The following TYK2 variants were observed in gnomAD, a reference collection of about 807,000 sequenced individuals.
TYK2 encodes the protein tyrosine kinase 2, also known as non-receptor tyrosine-protein kinase TYK2.
In TYK2, 65 loss-of-function variants were observed where a neutral mutation model predicts 130.9. The ratio of observed to expected loss-of-function variants is 0.50; its 90% CI spans 0.41 to 0.61. The LOEUF (loss-of-function observed/expected upper bound fraction) is 0.61, where lower values mean the gene tolerates loss of function less well. Among genes scored for constraint, TYK2 ranks in the 20% least tolerant of loss-of-function variants. TYK2 has a pLI of 0.00. For missense variants in TYK2, 1,378 were observed against 1,610.7 expected (o/e 0.86, Z 2.47); for synonymous variants, 647 against 658.9 (o/e 0.98, Z 0.28).
At chr19:10,369,105 G>A (rs978215441) in intron 3 of TYK2, among the ~76,000 whole-genome samples, 1 of 152,080 alleles carries the variant, frequency 6.6e-6, no homozygotes, top group Non-Finnish European at 1.5e-5. Flanking sequence ...CACTGTGCTC[G>A]GCCGATTTTA....
chr19:10,372,492 T>A (rs1364642177), intron 3 of TYK2, among the ~76,000 whole-genome samples: 140 of 93,742 alleles, frequency 1.5e-3, no homozygotes, highest in African/African-American at 2.3e-3. Flanking sequence ...ATATTTTTTT[T>A]TTTTTTTTTT....
rs1017051918 is a variant in TYK2 at position 10,359,292 on chromosome 19, C to A, written c.2058G>T (p.Val686=). 2 of 1,611,374 alleles carry A rather than the reference C, an allele frequency of 1.2e-6. No homozygotes were observed. Among genetic ancestry groups the A allele is most frequent in the African/African-American group, 2.7e-5 (2 of 74,936 alleles). Residue 686 remains valine (V), a synonymous_variant, in exon 15 of 25, where the codon GTG becomes GTT. Transcript: ENST00000525621. ...GGGGTCCGTGCTCCACGTACTCTGT[C>A]ACCATGATATCTGTAAAGACACAGC... ...VCVRGPENIM[V]TEYVEHGPLD...
chr19:10,361,452 G>A lies in TYK2; in HGVS notation c.2047+59C>T. ...CGAGGGTTGGGGTACAGATCAGGGA[G>A]TGGGTATAAGTCAGGGGTGGCCTGC... On this transcript the variant is annotated intron_variant, in intron 14 of 24. Coordinates refer to ENST00000525621, the MANE Select transcript of TYK2 (RefSeq NM_003331.5). The surrounding 1 kb of genome is among the most constrained non-coding windows in gnomAD (Gnocchi z 4.0). 2.9e-6 allele frequency: 4 copies of A among 1,376,930 alleles called. No homozygotes were observed. The South Asian group carries it at 4.4e-5, about 15-fold the overall frequency. 85.3% of individuals were successfully genotyped at this position (1,376,930 alleles called of 1,614,324 possible).
chr19:10,355,589 G>A (rs1260550423), intron 18 of TYK2, among the ~76,000 whole-genome samples: 15 of 140,372 alleles, frequency 1.1e-4, no homozygotes, highest in South Asian at 2.3e-4. Flanking sequence ...GCAGTGGGCC[G>A]AGATCGTGCC....
In TYK2 at chr19:10,361,950, G is replaced by C; in HGVS notation, c.1779C>G (p.Ser593=). Residue 593 remains serine (S), a synonymous_variant, in exon 13 of 25, where the codon TCC becomes TCG. Transcript: ENST00000525621. The surrounding 1 kb of genome is among the most constrained non-coding windows in gnomAD (Gnocchi z 4.0). ...RVDQKEITQL[S]HLGQGTRTNV... ...TGGTCCTTGTGCCCTGGCCCAAGTG[G>C]GACAGCTGCGGGATCATGTGGCACA... 6.2e-7 allele frequency: 1 copy of C among 1,614,000 alleles called. No individual in the cohort carries two copies. The highest frequency in any genetic ancestry group is 8.5e-7 in the Non-Finnish European group (1 of 1,179,986).
chr19:10,365,836 C>T lies in TYK2; in HGVS notation c.692G>A (p.Arg231Gln), dbSNP rs761141309. 28 of 1,612,266 alleles carry T rather than the reference C, an allele frequency of 1.7e-5. No individual in the cohort carries two copies. The highest frequency in any genetic ancestry group is 5.0e-5 in the Admixed American group (3 of 59,858). ...GCGGAAGACGTTCCGAAGGCGCAGCCGGGTCAGGGCGCTGTGCTGCCGGAT... is the reference window on the plus strand; with the variant it reads ...GCGGAAGACGTTCCGAAGGCGCAGCTGGGTCAGGGCGCTGTGCTGCCGGAT... The part of the protein sequence containing the change: ...RHIRQHSALT[R>Q]LRLRNVFRRF... The change falls in exon 7 of 25, where the codon CGG (arginine) becomes CAG (glutamine). Residue 231 changes from arginine to glutamine, a missense_variant. Arg to Gln is a conservative substitution (Grantham distance 43). Coordinates refer to ENST00000525621, the MANE Select transcript of TYK2 (RefSeq NM_003331.5).
chr19:10,374,875 T>C (rs1030907189), intron 3 of TYK2, among the ~76,000 whole-genome samples: 7 of 151,140 alleles, frequency 4.6e-5, no homozygotes, highest in African/African-American at 1.7e-4. Flanking sequence ...TGAGCGAGAC[T>C]TCGTTTCAAA....
At chr19:10,369,544 A>G (rs983058421) in intron 3 of TYK2, among the ~76,000 whole-genome samples, 4 of 152,090 alleles carry the variant, frequency 2.6e-5, no homozygotes, top group African/African-American at 9.7e-5. Context: ...TCTTCAAACC[A>G]GGAACTTGGT....
chr19:10,368,265 G>C, intron 4 of TYK2, 30 bp downstream of exon 4: 7 of 1,614,190 alleles, frequency 4.3e-6, no homozygotes, highest in Non-Finnish European at 5.9e-6. Context: ...AGCACAGGAG[G>C]GGACGAGCTT....
chr19:10,354,345 G>T, intron 19 of TYK2, 111 bp from the exon 20 acceptor site: 1 of 1,420,774 alleles, frequency 7.0e-7, no homozygotes, highest in Non-Finnish European at 9.7e-7. Context: ...AATACCCCAG[G>T]CCCCGCCTAC....
chr19:10,368,822 T>A, intron 3 of TYK2: 1 of 230,662 alleles, frequency 4.3e-6, no homozygotes, highest in Non-Finnish European at 8.8e-6. Flanking sequence ...ACTTTTTTTT[T>A]TTTTTTGAGA....
intron 18 of TYK2, 76 bp downstream of exon 18, chr19:10,356,492 G>A (rs573725651): frequency 4.1e-4 from 649 of 1,579,766 alleles, no homozygotes; most frequent in Middle Eastern, 6.7e-4. Flanking sequence ...GAGACCTCTC[G>A]TGCGCTATAG....
chr19:10,356,194 C>T (rs1009642331), intron 18 of TYK2, among the ~76,000 whole-genome samples: 4 of 152,028 alleles, frequency 2.6e-5, no homozygotes, highest in Non-Finnish European at 5.9e-5. Context: ...GCCTGGCCAA[C>T]ATGGCAAAAC....
intron 18 of TYK2, 61 bp downstream of exon 18, chr19:10,356,507 A>G: frequency 6.2e-7 from 1 of 1,603,280 alleles, no homozygotes; most frequent in Non-Finnish European, 8.5e-7. Flanking sequence ...CTATAGGCAT[A>G]CAGCAGGGAT....
chr19:10,369,094 C>A (rs2041804801), intron 3 of TYK2, among the ~76,000 whole-genome samples: 1 of 152,128 alleles, frequency 6.6e-6, no homozygotes, highest in African/African-American at 2.4e-5. Context: ...CAGGCATGAG[C>A]CACTGTGCTC....
Position 10,361,796 on chromosome 19 carries a change from C to T in TYK2, c.1933G>A (p.Asp645Asn). The change falls in exon 13 of 25, where the codon GAC (aspartate) becomes AAC (asparagine). Residue 645 changes from aspartate to asparagine, a missense_variant. Physicochemically the swap from Asp to Asn is conservative, Grantham distance 23. Transcript: ENST00000525621. This position sits in a 1 kb window ranked among gnomAD's most constrained non-coding sequence, Gnocchi z 4.0. ...QELRVVLKVL[D>N]PSHHDIALAF... ...AGGGCGATGTCATGGTGACTAGGGT[C>T]CAGCACTTTGAGCACCACTCGTAGC... 6.2e-7 allele frequency: 1 copy of T among 1,613,804 alleles called. No homozygotes were observed. The highest frequency in any genetic ancestry group is 8.5e-7 in the Non-Finnish European group (1 of 1,179,968).
intron 14 of TYK2, among the ~76,000 whole-genome samples, chr19:10,359,715 C>T (rs924804099): frequency 6.6e-6 from 1 of 151,844 alleles, no homozygotes. Flanking sequence ...CGCGGTGGCT[C>T]ACGCCTGTAA....
chr19:10,354,456 C>G, intron 19 of TYK2, 56 bp downstream of exon 19: 1 of 1,539,318 alleles, frequency 6.5e-7, no homozygotes, highest in Non-Finnish European at 9.0e-7. Context: ...TATCCTCAAC[C>G]CCCAAACTCC....
chr19:10,354,836 G>A (rs796320004), intron 18 of TYK2, among the ~76,000 whole-genome samples: 9 of 151,880 alleles, frequency 5.9e-5, no homozygotes, highest in African/African-American at 2.2e-4. Context: ...GATCACTTGA[G>A]CCCGGGAGTT....
Sources: gnomAD v4.1 joint callset for allele counts (sites outside exome capture counted in the v4.1 genomes callset) on GRCh38, gnomAD v4.1.1 for gene constraint, Gnocchi (gnomAD v3.1) non-coding constraint, MANE v1.5 for transcripts, NCBI Gene and HGNC (gene_info 2026-07-23, HGNC 2026-07-21) for gene names.